The following CTNNA3 variants were observed in gnomAD, a reference collection of about 807,000 sequenced individuals.
The protein encoded by CTNNA3 is catenin alpha-3.
A neutral mutation model predicts 95.7 loss-of-function variants in CTNNA3; 76 were observed. That is an observed-to-expected ratio of 0.79 (90% CI 0.66 to 0.96). The LOEUF (loss-of-function observed/expected upper bound fraction) is 0.96, where lower values mean the gene tolerates loss of function less well. Ranked by LOEUF, CTNNA3 falls within the 40% of genes least tolerant of loss-of-function variation. The pLI is 0.00. For synonymous variants in CTNNA3, 431 were observed against 374.4 expected, an observed-to-expected ratio of 1.15 and a Z score of -1.74; for missense variants, 1,191 against 1,089.8, an observed-to-expected ratio of 1.09 and a Z score of -1.31.
chr10:66,525,144 G>T (rs542434251), intron 10 of CTNNA3, among the ~76,000 whole-genome samples: 1 of 151,998 alleles, frequency 6.6e-6, no homozygotes, highest in South Asian at 2.1e-4. Context: ...GTGGCAAGAG[G>T]AGAATGGGGA....
At chr10:66,358,029 G>T (rs2092624512) in intron 12 of CTNNA3, among the ~76,000 whole-genome samples, 1 of 152,106 alleles carries the variant, frequency 6.6e-6, no homozygotes, top group African/African-American at 2.4e-5. Flanking sequence ...TTAAATGTAT[G>T]TGCATAGACG....
At chr10:66,897,150 A>C (rs1845527841) in intron 7 of CTNNA3, among the ~76,000 whole-genome samples, 1 of 152,170 alleles carries the variant, frequency 6.6e-6, no homozygotes. Context: ...AAAAAATGAG[A>C]AATATTACTA....
chr10:66,896,172 G>A (rs1845484883), intron 7 of CTNNA3, among the ~76,000 whole-genome samples: 2 of 152,104 alleles, frequency 1.3e-5, no homozygotes, highest in African/African-American at 4.8e-5. Context: ...TTTAGCACAA[G>A]ATCTGATATT....
At chr10:66,973,683 G>A (rs961478155) in intron 7 of CTNNA3, among the ~76,000 whole-genome samples, 4 of 152,170 alleles carry the variant, frequency 2.6e-5, no homozygotes, top group African/African-American at 4.8e-5. Context: ...GAGTACAGTG[G>A]TGCGATCTCG....
intron 11 of CTNNA3, among the ~76,000 whole-genome samples, chr10:66,507,765 G>C (rs188810439): frequency 6.6e-6 from 1 of 151,304 alleles, no homozygotes; most frequent in Non-Finnish European, 1.5e-5. Flanking sequence ...TGGACATTTA[G>C]GTTCATTCCA....
At chr10:67,420,912 G>A (rs1845727490) in intron 5 of CTNNA3, among the ~76,000 whole-genome samples, 1 of 152,048 alleles carries the variant, frequency 6.6e-6, no homozygotes, top group Admixed American at 6.6e-5. Flanking sequence ...AAACTTAATA[G>A]TTTTGTTGTT....
At chr10:67,448,710 T>G (rs563748966) in intron 5 of CTNNA3, among the ~76,000 whole-genome samples, 1 of 151,406 alleles carries the variant, frequency 6.6e-6, no homozygotes, top group African/African-American at 2.4e-5. Context: ...TAAAGATTCT[T>G]TAAGATTGAA....
intron 7 of CTNNA3, among the ~76,000 whole-genome samples, chr10:67,001,042 C>T (rs1268110882): frequency 6.6e-6 from 1 of 151,966 alleles, no homozygotes; most frequent in African/African-American, 2.4e-5. Context: ...GTGGCTCATG[C>T]CTGTAATCCC....
At chr10:66,275,132 T>C (rs1011882626) in intron 13 of CTNNA3, among the ~76,000 whole-genome samples, 2 of 152,174 alleles carry the variant, frequency 1.3e-5, no homozygotes, top group Admixed American at 1.3e-4. Context: ...TTTCCTTCTT[T>C]TTGGAGATGG....
intron 14 of CTNNA3, among the ~76,000 whole-genome samples, chr10:66,090,726 G>C (rs982974442): frequency 1.3e-5 from 2 of 151,916 alleles, no homozygotes; most frequent in African/African-American, 2.4e-5. Flanking sequence ...TTACATAGCT[G>C]ATGACTTTAC....
intron 7 of CTNNA3, among the ~76,000 whole-genome samples, chr10:67,135,533 G>A (rs368498534): frequency 2.0e-5 from 3 of 152,076 alleles, no homozygotes; most frequent in Admixed American, 6.6e-5. Context: ...TAATTAAAGG[G>A]GTATGGTGGT....
At position 67,031,255 on chromosome 10, in the gene CTNNA3, T is replaced by C. The variant is rs144676250; in HGVS notation, c.1047+149062A>G. Among the ~76,000 whole-genome samples the C allele has an allele frequency of 2.6e-3, 392 of 152,282 alleles. 3 individuals carry two copies. The highest frequency in any genetic ancestry group is 8.9e-3 in the African/African-American group (371 of 41,562). The stretch of plus-strand genomic sequence containing the variant: ...TGTCTAGGTCCTTTCCTAGTAAAAC[T>C]GTTCAACATCAAATGAGGTAGAAAT... On this transcript the variant is annotated intron_variant, in intron 7 of 17. Coordinates refer to ENST00000433211, the MANE Select transcript of CTNNA3 (RefSeq NM_013266.4).
rs1017256807 is a variant in CTNNA3, at chr10:66,656,086, A to T, written c.1282-34302T>A. On this transcript the variant is annotated intron_variant, in intron 9 of 17. Transcript: ENST00000433211. ...TAGTGTTATTATTTTCAGTGTTCTA[A>T]TGAGAAAACCACAGCACAAAGAAGT... Among the ~76,000 whole-genome samples, 27 of 152,122 alleles carry T rather than the reference A, an allele frequency of 1.8e-4. 3 individuals are homozygous for T.
intron 12 of CTNNA3, among the ~76,000 whole-genome samples, chr10:66,297,427 C>G (rs574062811): frequency 6.6e-6 from 1 of 152,078 alleles, no homozygotes; most frequent in Non-Finnish European, 1.5e-5. Context: ...TTTAAGAATA[C>G]ATTTAATCAT....
At chr10:67,501,503 T>C (rs1839232236) in intron 5 of CTNNA3, among the ~76,000 whole-genome samples, 1 of 152,240 alleles carries the variant, frequency 6.6e-6, no homozygotes, top group South Asian at 2.1e-4. Context: ...AATTTGAATG[T>C]TGGCCTGTCT....
intron 6 of CTNNA3, among the ~76,000 whole-genome samples, chr10:67,202,197 A>G (rs1468616652): frequency 6.6e-6 from 1 of 151,150 alleles, no homozygotes; most frequent in African/African-American, 2.4e-5. Context: ...ATTGCCCGAT[A>G]CCCTTCTTGC....
intron 5 of CTNNA3, among the ~76,000 whole-genome samples, chr10:67,385,631 G>C (rs1053451255): frequency 1.3e-5 from 2 of 152,108 alleles, no homozygotes; most frequent in Admixed American, 1.3e-4. Flanking sequence ...ATATATAGGA[G>C]AATTACCCAA....
intron 7 of CTNNA3, among the ~76,000 whole-genome samples, chr10:66,985,402 G>A (rs1850672363): frequency 6.6e-6 from 1 of 152,114 alleles, no homozygotes; most frequent in African/African-American, 2.4e-5. Flanking sequence ...TAGGGGAAGG[G>A]TGCCCAACAG....
intron 7 of CTNNA3, among the ~76,000 whole-genome samples, chr10:67,022,274 G>A (rs1853067055): frequency 6.6e-6 from 1 of 152,158 alleles, no homozygotes; most frequent in Non-Finnish European, 1.5e-5. Context: ...CAGTGTTAGA[G>A]ATCCATGTTA....
Sources: allele counts gnomAD v4.1 joint callset (sites outside exome capture counted in the v4.1 genomes callset), GRCh38; gene constraint gnomAD v4.1.1; transcripts MANE v1.5; gene names NCBI Gene and HGNC (gene_info 2026-07-23, HGNC 2026-07-21).